Variants in CRIM1 observed in about 807,000 individuals in gnomAD.
CRIM1 encodes the protein cysteine-rich motor neuron 1 protein.
CRIM1 carries 32 observed loss-of-function variants against 116.4 expected under a neutral mutation model. The observed-to-expected ratio is 0.27, with a 90% CI of 0.21 to 0.37. CRIM1 has a LOEUF of 0.37. CRIM1 is among the 10% of genes least tolerant of loss of function. The pLI, the probability that CRIM1 is intolerant of heterozygous loss-of-function variation, is 1.00. For missense variants in CRIM1, 1,331 were observed against 1,354.8 expected, an observed-to-expected ratio of 0.98 and a Z score of 0.28; for synonymous variants, 590 against 509.2, an observed-to-expected ratio of 1.16 and a Z score of -2.13.
At chr2:36,396,525 A>C in intron 1 of CRIM1, 89 bp from the exon 2 acceptor site, 1 of 768,338 alleles carries the variant, frequency 1.3e-6, no homozygotes, top group East Asian at 2.6e-5. Context: ...TTGAATGTTA[A>C]TCTTGACATC....
rs1206824977 is a variant in CRIM1 at position 36,450,433 on chromosome 2, TAC to T, written c.869+7706_869+7707del. On this transcript the variant is annotated intron_variant, in intron 4 of 16. Coordinates refer to ENST00000280527, the MANE Select transcript of CRIM1 (RefSeq NM_016441.3). ...TCTGTGTTTTACATTTAATCGTGCA[TAC>T]ACACACAGAATAATATTCATGGACA... is the stretch of plus-strand genomic sequence containing the variant. Among the ~76,000 whole-genome samples, 49 of 152,242 alleles carry T rather than the reference TAC, an allele frequency of 3.2e-4. 2 individuals carry two copies. Among genetic ancestry groups the T allele is most frequent in the Admixed American group, 3.2e-3 (49 of 15,288 alleles).
At chr2:36,360,501 CT>C (rs1208270815) in intron 1 of CRIM1, among the ~76,000 whole-genome samples, 2 of 152,154 alleles carry the variant, frequency 1.3e-5, no homozygotes, top group African/African-American at 4.8e-5. Flanking sequence ...TTAACTGTTC[CT>C]TTTACCCATT....
chr2:36,405,002 A>G (rs1208674201), intron 2 of CRIM1, among the ~76,000 whole-genome samples: 1 of 151,964 alleles, frequency 6.6e-6, no homozygotes, highest in Non-Finnish European at 1.5e-5. Flanking sequence ...CTCGATTGTT[A>G]CCTCGTCCTT....
intron 1 of CRIM1, among the ~76,000 whole-genome samples, chr2:36,370,302 T>C (rs1669864219): frequency 6.6e-6 from 1 of 150,828 alleles, no homozygotes; most frequent in African/African-American, 2.4e-5. Context: ...AAATTTACAG[T>C]GAGAAATGGA....
intron 4 of CRIM1, among the ~76,000 whole-genome samples, chr2:36,460,796 G>A (rs1677521420): frequency 6.6e-6 from 1 of 152,202 alleles, no homozygotes; most frequent in Non-Finnish European, 1.5e-5. Flanking sequence ...GTTAAGGTGA[G>A]TCCTCAAGTT....
At chr2:36,500,837 G>A (rs72866853) in intron 8 of CRIM1, among the ~76,000 whole-genome samples, 8,330 of 152,214 alleles carry the variant, frequency 0.055, 740 homozygotes, top group African/African-American at 0.19. Flanking sequence ...AATCTTGAAA[G>A]ACACTTCGCC....
At chr2:36,396,026 A>G (rs1014197207) in intron 1 of CRIM1, among the ~76,000 whole-genome samples, 1 of 152,032 alleles carries the variant, frequency 6.6e-6, no homozygotes, top group Non-Finnish European at 1.5e-5. Flanking sequence ...TCCCACCTCA[A>G]ACTCCTGAGT....
Position 36,547,004 on chromosome 2 carries a change from G to A in CRIM1, c.2767G>A (p.Asp923Asn), listed in dbSNP as rs369921228. Residue 923 changes from aspartate (D) to asparagine (N), a missense_variant, in exon 16 of 17, where the codon GAT becomes AAT. By Grantham distance (23) the Asp-to-Asn change is conservative. This residue lies in a region of CRIM1 where 283 missense variants were observed against 242.8 expected (regional missense o/e 1.17). Transcript: ENST00000280527. ...LPRDMGHLQV[D>N]YRDNRLHPSE... is the part of the protein sequence containing the mutation. ...CCTAGATATGGGTCACCTCCAGGTA[G>A]ATTACAGAGATAACAGGCTGCACCC... The A allele has an allele frequency of 6.2e-7, 1 of 1,609,230 alleles. No homozygotes were observed. The highest frequency in any genetic ancestry group is 1.3e-5 in the African/African-American group (1 of 74,764).
chr2:36,399,420 G>A (rs1572645070), intron 2 of CRIM1, among the ~76,000 whole-genome samples: 1 of 152,156 alleles, frequency 6.6e-6, no homozygotes, highest in East Asian at 1.9e-4. Context: ...CAGGAAAACA[G>A]CAAAGAAGAG....
At chr2:36,412,326 A>G (rs1049135369) in intron 2 of CRIM1, among the ~76,000 whole-genome samples, 1 of 152,210 alleles carries the variant, frequency 6.6e-6, no homozygotes, top group Non-Finnish European at 1.5e-5. Context: ...AAAGGTAAAG[A>G]TCGACATAGA....
chr2:36,478,939 G>A (rs1285671548), intron 6 of CRIM1, among the ~76,000 whole-genome samples: 1 of 151,964 alleles, frequency 6.6e-6, no homozygotes, highest in Non-Finnish European at 1.5e-5. Flanking sequence ...AGTTCACAGC[G>A]CTCCTCCAAG....
chr2:36,418,762 TC>T (rs1673821664), intron 2 of CRIM1, among the ~76,000 whole-genome samples: 2 of 145,000 alleles, frequency 1.4e-5, no homozygotes, highest in East Asian at 5.8e-4. Flanking sequence ...GACTGAGGTG[TC>T]TTGTGTCTTG....
At chr2:36,497,027 A>G (rs966263375) in intron 7 of CRIM1, among the ~76,000 whole-genome samples, 12 of 152,174 alleles carry the variant, frequency 7.9e-5, no homozygotes, top group Non-Finnish European at 7.3e-5. Context: ...CTAAAATTCC[A>G]TACTACCCTA....
intron 2 of CRIM1, among the ~76,000 whole-genome samples, chr2:36,430,866 A>G (rs1311333456): frequency 1.3e-5 from 2 of 152,188 alleles, no homozygotes; most frequent in African/African-American, 4.8e-5. Context: ...CATCTTGTCA[A>G]TTTGACAACT....
intron 4 of CRIM1, among the ~76,000 whole-genome samples, chr2:36,458,578 T>A (rs910968340): frequency 6.6e-6 from 1 of 152,002 alleles, no homozygotes; most frequent in Non-Finnish European, 1.5e-5. Flanking sequence ...GTTATATAAT[T>A]ATTATGCCCC....
intron 13 of CRIM1, among the ~76,000 whole-genome samples, chr2:36,530,034 AT>A (rs966218977): frequency 2.0e-5 from 3 of 151,674 alleles, no homozygotes; most frequent in African/African-American, 4.8e-5. Context: ...TTAAGATCAG[AT>A]TTTTTTTTAT....
Position 36,549,838 on chromosome 2 carries a change from AATATAT to A in CRIM1, c.*1145_*1150del, listed in dbSNP as rs537826144. On this transcript the variant is annotated 3_prime_UTR_variant, in exon 17 of 17. Coordinates refer to ENST00000280527, the MANE Select transcript of CRIM1 (RefSeq NM_016441.3). Reference sequence around the variant, plus strand: ...AAAGTATTTGTGTGCATGTGTATATAATATATATATATACATATATATTTATACACA... The same window carrying A: ...AAAGTATTTGTGTGCATGTGTATATAATATATACATATATATTTATACACA... 6.6e-6 allele frequency: 1 copy of A among 150,886 alleles called. No homozygotes were observed. The highest frequency in any genetic ancestry group is 2.4e-5 in the African/African-American group (1 of 41,118). The allele number at this position is 150,886 out of a possible 1,614,324, so 9.3% of individuals were successfully genotyped here. A position where few individuals can be genotyped will look rare whatever the true frequency, so the allele number is the denominator to read the frequency against.
At chr2:36,455,739 C>G (rs192085032) in intron 4 of CRIM1, among the ~76,000 whole-genome samples, 17 of 152,208 alleles carry the variant, frequency 1.1e-4, no homozygotes, top group African/African-American at 3.4e-4. Flanking sequence ...GAAATAGAAT[C>G]TTTAGGGGAG....
chr2:36,539,479 CT>C (rs1198695638), intron 14 of CRIM1, among the ~76,000 whole-genome samples: 2 of 152,114 alleles, frequency 1.3e-5, no homozygotes, highest in Non-Finnish European at 2.9e-5. Flanking sequence ...GAGATGAAAC[CT>C]TGGAAGGTTT....
Sources: allele counts gnomAD v4.1 joint callset (sites outside exome capture counted in the v4.1 genomes callset), GRCh38; gene constraint gnomAD v4.1.1; regional missense constraint gnomAD v4.1.1; transcripts MANE v1.5; gene names NCBI Gene and HGNC (gene_info 2026-07-23, HGNC 2026-07-21).